The following STRIP1 variants were observed in gnomAD, a reference collection of about 807,000 sequenced individuals.
STRIP1 encodes the protein striatin interacting protein 1, also known as striatin-interacting protein 1.
In STRIP1, 63 loss-of-function variants were observed where a neutral mutation model predicts 106.2. The observed-to-expected ratio is 0.59, with a 90% CI of 0.48 to 0.73. STRIP1 has a LOEUF of 0.73. STRIP1 is among the 30% of genes least tolerant of loss of function. The probability of loss-of-function intolerance (pLI) is 0.00; values close to 1 mark genes in which losing one functional copy is unlikely to be tolerated. For missense variants in STRIP1, 857 were observed against 1,074.8 expected, an observed-to-expected ratio of 0.80 and a Z score of 2.83; for synonymous variants, 390 against 413.0, an observed-to-expected ratio of 0.94 and a Z score of 0.67.
intron 19 of STRIP1, among the ~76,000 whole-genome samples, chr1:110,051,440 A>G (rs955285562): frequency 6.6e-6 from 1 of 152,208 alleles, no homozygotes; most frequent in African/African-American, 2.4e-5. Context: ...GAAGGAATCC[A>G]TAGCTTTCTT....
intron 1 of STRIP1, among the ~76,000 whole-genome samples, chr1:110,036,540 A>C (rs975973422): frequency 1.3e-5 from 2 of 152,154 alleles, no homozygotes; most frequent in Non-Finnish European, 1.5e-5. Context: ...GTCTAAATCC[A>C]TTTCTTTATA....
At chr1:110,042,802 GCTT>G (rs767378386) in intron 8 of STRIP1, 3 of 313,110 alleles carry the variant, frequency 9.6e-6, no homozygotes, top group Non-Finnish European at 1.2e-5. Flanking sequence ...TAGGCTCTTT[GCTT>G]CTTTTTAAAT....
chr1:110,039,610 G>A, intron 5 of STRIP1, 95 bp downstream of exon 5: 1 of 1,415,668 alleles, frequency 7.1e-7, no homozygotes, highest in Admixed American at 2.0e-5. Flanking sequence ...AGGGTTAAAT[G>A]GGGCAGAAGT....
At chr1:110,041,211 G>T (rs1652741355) in intron 6 of STRIP1, 1 of 215,788 alleles carries the variant, frequency 4.6e-6, no homozygotes, top group Admixed American at 5.4e-5. Flanking sequence ...AGACTAGGTG[G>T]TTGTAGTGTT....
chr1:110,035,666 G>A (rs575157602), intron 1 of STRIP1, among the ~76,000 whole-genome samples: 2 of 152,204 alleles, frequency 1.3e-5, no homozygotes, highest in East Asian at 3.9e-4. Flanking sequence ...TTAATGAGCA[G>A]GTTCCCAGAG....
chr1:110,045,127 G>C, intron 12 of STRIP1, 49 bp downstream of exon 12: 2 of 1,559,250 alleles, frequency 1.3e-6, no homozygotes, highest in African/African-American at 1.4e-5. Context: ...TAAGTGAGTA[G>C]AGTGAAACCA....
chr1:110,036,515 T>A (rs1451084664), intron 1 of STRIP1, among the ~76,000 whole-genome samples: 3 of 152,212 alleles, frequency 2.0e-5, no homozygotes, highest in Non-Finnish European at 4.4e-5. Flanking sequence ...AATGGACACA[T>A]TTAAGCAGAG....
At chr1:110,039,809 C>G (rs762827043) in intron 5 of STRIP1, 1 of 1,338,492 alleles carries the variant, frequency 7.5e-7, no homozygotes, top group South Asian at 1.2e-5. Context: ...TTTGAGCTCT[C>G]TTTTGAACCT....
chr1:110,037,100 G>T (rs888561478), intron 1 of STRIP1, among the ~76,000 whole-genome samples: 1 of 152,188 alleles, frequency 6.6e-6, no homozygotes, highest in Non-Finnish European at 1.5e-5. Context: ...CTCCCAAAGT[G>T]CTGGGATTAT....
upstream of STRIP1, among the ~76,000 whole-genome samples, chr1:110,033,467 A>T (rs1652286789): frequency 6.6e-6 from 1 of 152,208 alleles, no homozygotes; most frequent in Non-Finnish European, 1.5e-5. Flanking sequence ...TAATTCATAA[A>T]GGAAAGAAAG....
At position 110,050,951 on chromosome 1, in the gene STRIP1, T is replaced by G; in HGVS notation, c.1957-5T>G. On this transcript the variant is annotated splice_polypyrimidine_tract_variant and splice_region_variant and intron_variant, in intron 18 of 20. Transcript: ENST00000369795. Reference sequence around the variant, plus strand: ...GGGCTGATTGTTCCTGGGTTTACCCTGCAGGAAGCAGGTGACAGTAACCAA... The same window carrying G: ...GGGCTGATTGTTCCTGGGTTTACCCGGCAGGAAGCAGGTGACAGTAACCAA... 1.9e-6 allele frequency: 3 copies of G among 1,565,440 alleles called. No homozygotes were observed. The highest frequency in any genetic ancestry group is 2.6e-6 in the Non-Finnish European group (3 of 1,135,614).
Position 110,046,668 on chromosome 1 carries a change from C to T in STRIP1, c.1417-12C>T, listed in dbSNP as rs765526022. 7 of 1,613,132 alleles carry T rather than the reference C, an allele frequency of 4.3e-6. No individual in the cohort carries two copies. Among genetic ancestry groups the T allele is most frequent in the Admixed American group, 3.3e-5 (2 of 60,008 alleles). ...TTTTCCCCAGCCCTTCTTTTCCCAT[C>T]TCTCCCACCAGCACAAGTACACGTC... On this transcript the variant is annotated splice_polypyrimidine_tract_variant and intron_variant, in intron 12 of 20. Coordinates refer to ENST00000369795, the MANE Select transcript of STRIP1 (RefSeq NM_033088.4).
intron 17 of STRIP1, 147 bp downstream of exon 17, chr1:110,049,707 T>C (rs1359403399): frequency 6.5e-6 from 4 of 616,940 alleles, no homozygotes; most frequent in Non-Finnish European, 1.1e-5. Context: ...AGACATGGCC[T>C]CTGCCTGTGG....
Position 110,050,944 on chromosome 1 carries a change from T to C in STRIP1, c.1957-12T>C. On this transcript the variant is annotated splice_polypyrimidine_tract_variant and intron_variant, in intron 18 of 20. Coordinates refer to ENST00000369795, the MANE Select transcript of STRIP1 (RefSeq NM_033088.4). ...GCCATGAGGGCTGATTGTTCCTGGG[T>C]TTACCCTGCAGGAAGCAGGTGACAG... is the stretch of plus-strand genomic sequence containing the variant. The C allele has an allele frequency of 6.6e-7, 1 of 1,519,482 alleles. No homozygotes were observed. Among genetic ancestry groups the C allele is most frequent in the South Asian group, 1.1e-5 (1 of 89,158 alleles). 94.1% of individuals were successfully genotyped at this position (1,519,482 alleles called of 1,614,324 possible).
intron 16 of STRIP1, 54 bp from the exon 17 acceptor site, chr1:110,049,406 C>A: frequency 2.0e-6 from 3 of 1,525,982 alleles, no homozygotes; most frequent in African/African-American, 1.4e-5. Flanking sequence ...GGAAAGAGGG[C>A]AAGGTCCCAA....
chr1:110,049,024 G>C, intron 15 of STRIP1, 88 bp from the exon 16 acceptor site: 1 of 1,525,666 alleles, frequency 6.6e-7, no homozygotes, highest in Non-Finnish European at 9.0e-7. Context: ...CTTTGCCCAG[G>C]GAGGCTCCGG....
rs769206899 is a variant in STRIP1, at chr1:110,043,259, C to T, written c.1057C>T (p.Arg353Ter). 3.1e-6 allele frequency: 5 copies of T among 1,610,932 alleles called. No homozygotes were observed. The highest frequency in any genetic ancestry group is 1.7e-6 in the Non-Finnish European group (2 of 1,180,002). ...TGAGCAGCAGCAGAAACGGGGCCGC[C>T]GAGAGCACAAGGTGAGGACGACAGA... ...LIEQQQKRGR[R>*]EHKALIKQDN... is the part of the protein sequence containing the mutation. Residue 353 changes from arginine (R) to a stop codon, truncating the protein, a stop_gained, in exon 9 of 21, where the codon CGA becomes TGA. Transcript: ENST00000369795. LOFTEE classifies it high-confidence loss of function.
At chr1:110,032,002 G>A (rs1424067134), upstream of STRIP1, among the ~76,000 whole-genome samples, 5 of 151,050 alleles carry the variant, frequency 3.3e-5, no homozygotes, top group African/African-American at 4.9e-5. Flanking sequence ...CCAAAGTGCT[G>A]AGATTACAGG....
chr1:110,044,043 T>G (rs1652905165), intron 10 of STRIP1, among the ~76,000 whole-genome samples, 187 bp downstream of exon 10: 1 of 152,256 alleles, frequency 6.6e-6, no homozygotes, highest in Non-Finnish European at 1.5e-5. Context: ...GCCTTGCTGG[T>G]CTCACACAAC....
Sources: gnomAD v4.1 joint callset for allele counts (sites outside exome capture counted in the v4.1 genomes callset) on GRCh38, gnomAD v4.1.1 for gene constraint, MANE v1.5 for transcripts, NCBI Gene and HGNC (gene_info 2026-07-23, HGNC 2026-07-21) for gene names.